The following ARHGEF3 variants were observed in gnomAD, a reference collection of about 807,000 sequenced individuals.
ARHGEF3 encodes Rho guanine nucleotide exchange factor 3.
Under a neutral mutation model 63.2 loss-of-function variants are expected in ARHGEF3, and 28 were observed. The observed-to-expected ratio is 0.44, with a 90% CI of 0.33 to 0.61. The LOEUF (loss-of-function observed/expected upper bound fraction) is 0.61, where lower values mean the gene tolerates loss of function less well. Ranked by LOEUF, ARHGEF3 falls within the 20% of genes least tolerant of loss-of-function variation. ARHGEF3 has a pLI of 0.03. For missense variants in ARHGEF3, 533 were observed against 659.3 expected (o/e 0.81, Z 2.10); for synonymous variants, 266 against 254.2 (o/e 1.05, Z -0.44).
intron 4 of ARHGEF3, among the ~76,000 whole-genome samples, chr3:56,844,201 A>T (rs1444014472): frequency 6.6e-6 from 1 of 152,250 alleles, no homozygotes; most frequent in East Asian, 1.9e-4. Flanking sequence ...ATGCTCAAAA[A>T]TTATTATTTC....
chr3:56,873,166 G>A (rs2040484035), intron 4 of ARHGEF3, among the ~76,000 whole-genome samples: 1 of 149,972 alleles, frequency 6.7e-6, no homozygotes, highest in Admixed American at 6.6e-5. Flanking sequence ...ACTCAGCTAA[G>A]TTTTAAATTT....
At chr3:56,936,959 T>C (rs548309765) in intron 3 of ARHGEF3, among the ~76,000 whole-genome samples, 7 of 152,298 alleles carry the variant, frequency 4.6e-5, no homozygotes, top group Admixed American at 1.3e-4. Context: ...GCTCAAGCAA[T>C]CCACCCGCCT....
chr3:56,926,096 A>C (rs1399263947), intron 3 of ARHGEF3, among the ~76,000 whole-genome samples: 1 of 152,230 alleles, frequency 6.6e-6, no homozygotes, highest in Non-Finnish European at 1.5e-5. Flanking sequence ...ACAGCCTCGA[A>C]GCACTAGGCT....
At chr3:57,039,315 G>A (rs1177766666) in intron 1 of ARHGEF3, among the ~76,000 whole-genome samples, 1 of 152,200 alleles carries the variant, frequency 6.6e-6, no homozygotes, top group African/African-American at 2.4e-5. Flanking sequence ...AAGTGTTGGT[G>A]AGAATGTGAA....
At chr3:56,884,603 A>C (rs2040863777) in intron 3 of ARHGEF3, among the ~76,000 whole-genome samples, 2 of 152,224 alleles carry the variant, frequency 1.3e-5, no homozygotes, top group Non-Finnish European at 2.9e-5. Flanking sequence ...GGTGCCCAGG[A>C]ATCTGGATTA....
chr3:56,751,014 T>C, intron 6 of ARHGEF3, 42 bp downstream of exon 6: 1 of 1,472,198 alleles, frequency 6.8e-7, no homozygotes, highest in East Asian at 2.3e-5. Flanking sequence ...CCATCTATAT[T>C]ATTGAAATTT....
At chr3:56,796,171 C>T (rs996777567) in intron 1 of ARHGEF3, among the ~76,000 whole-genome samples, 1 of 152,140 alleles carries the variant, frequency 6.6e-6, no homozygotes. Flanking sequence ...CAGATACACA[C>T]ATCATCAATA....
intron 1 of ARHGEF3, among the ~76,000 whole-genome samples, chr3:56,795,669 A>G (rs1417410359): frequency 7.1e-5 from 3 of 42,050 alleles, no homozygotes; most frequent in Non-Finnish European, 1.2e-4. Context: ...TTTTTTTTTG[A>G]AGATGGACTC....
chr3:56,825,155 G>T (rs143153620), intron 4 of ARHGEF3, among the ~76,000 whole-genome samples: 42 of 152,300 alleles, frequency 2.8e-4, no homozygotes, highest in African/African-American at 1.0e-3. Context: ...CCCTCATAGG[G>T]CTATTGTGAA....
chr3:56,844,104 A>T (rs1486261400), intron 4 of ARHGEF3, among the ~76,000 whole-genome samples: 5 of 152,256 alleles, frequency 3.3e-5, no homozygotes, highest in Non-Finnish European at 7.3e-5. Context: ...ACTTTAGTGC[A>T]TGACAAATTA....
intron 3 of ARHGEF3, among the ~76,000 whole-genome samples, chr3:56,889,922 C>T (rs1314122780): frequency 1.3e-5 from 2 of 152,048 alleles, no homozygotes; most frequent in South Asian, 2.1e-4. Flanking sequence ...ATTAGCTGAG[C>T]GTGGTAGCGT....
intron 3 of ARHGEF3, among the ~76,000 whole-genome samples, chr3:56,915,303 A>C (rs1321427002): frequency 6.6e-6 from 1 of 152,040 alleles, no homozygotes; most frequent in African/African-American, 2.4e-5. Flanking sequence ...TCTCCACAAA[A>C]AAAAATGAAA....
intron 4 of ARHGEF3, among the ~76,000 whole-genome samples, chr3:56,823,097 C>T (rs1168358473): frequency 6.6e-6 from 1 of 152,134 alleles, no homozygotes; most frequent in African/African-American, 2.4e-5. Context: ...CTTTTCCTCC[C>T]CATGTATCTT....
At chr3:56,735,534 C>T (rs138609909) in intron 8 of ARHGEF3, among the ~76,000 whole-genome samples, 1,657 of 152,248 alleles carry the variant, frequency 0.011, 31 homozygotes, top group African/African-American at 0.038. Flanking sequence ...ATGCCTTAGG[C>T]ACATCTAACC....
intron 2 of ARHGEF3, among the ~76,000 whole-genome samples, chr3:56,768,522 T>C (rs2035832625): frequency 6.6e-6 from 1 of 151,984 alleles, no homozygotes; most frequent in African/African-American, 2.4e-5. Context: ...TGTAGAATAA[T>C]ATATACTCAG....
At chr3:56,895,018 G>T (rs1332876693) in intron 3 of ARHGEF3, among the ~76,000 whole-genome samples, 1 of 152,148 alleles carries the variant, frequency 6.6e-6, no homozygotes, top group Non-Finnish European at 1.5e-5. Context: ...GACAGAACAT[G>T]ACAGTGTCAC....
intron 2 of ARHGEF3, among the ~76,000 whole-genome samples, chr3:56,967,541 C>T (rs1700599735): frequency 1.2e-5 from 1 of 80,198 alleles, no homozygotes; most frequent in Non-Finnish European, 2.1e-5. Context: ...TAATATATTA[C>T]ATATTATGTA....
intron 2 of ARHGEF3, among the ~76,000 whole-genome samples, chr3:56,986,367 C>T (rs767239032): frequency 1.3e-5 from 2 of 152,216 alleles, no homozygotes; most frequent in Non-Finnish European, 2.9e-5. Flanking sequence ...CCTCACCAGC[C>T]TCCAGAAATC....
intron 2 of ARHGEF3, among the ~76,000 whole-genome samples, chr3:56,985,745 T>C (rs557588871): frequency 3.7e-5 from 5 of 134,532 alleles, no homozygotes; most frequent in African/African-American, 1.3e-4. Context: ...CCATGCCTCC[T>C]GGGCACTGGG....
Sources: allele counts gnomAD v4.1 joint callset (sites outside exome capture counted in the v4.1 genomes callset), GRCh38; gene constraint gnomAD v4.1.1; transcripts MANE v1.5; gene names NCBI Gene and HGNC (gene_info 2026-07-23, HGNC 2026-07-21).